KPNA6: variants seen among roughly 807,000 people sequenced by gnomAD.
KPNA6 encodes the protein importin subunit alpha-7.
Under a neutral mutation model 72.0 loss-of-function variants are expected in KPNA6, and 9 were observed. That is an observed-to-expected ratio of 0.13 (90% CI 0.08 to 0.22). The LOEUF is 0.22. Ranked by LOEUF, KPNA6 falls within the 10% of genes least tolerant of loss-of-function variation. KPNA6 has a pLI of 1.00. For missense variants in KPNA6, 374 were observed against 655.7 expected, an observed-to-expected ratio of 0.57 and a Z score of 4.69; for synonymous variants, 219 against 242.1, an observed-to-expected ratio of 0.90 and a Z score of 0.89.
At chr1:32,131,570 T>C (rs1055595026) in intron 1 of KPNA6, among the ~76,000 whole-genome samples, 13 of 151,774 alleles carry the variant, frequency 8.6e-5, no homozygotes, top group African/African-American at 2.9e-4. Flanking sequence ...TACACACATA[T>C]ATGTATGTGT....
rs1443556874 is a variant in KPNA6 at position 32,128,410 on chromosome 1, TATATATATATATATATACAC to T, written c.4+20278_4+20297del. Among the ~76,000 whole-genome samples, 213 of 131,140 alleles carry T rather than the reference TATATATATATATATATACAC, an allele frequency of 1.6e-3. 1 individual carries two copies. Among genetic ancestry groups the T allele is most frequent in the African/African-American group, 5.9e-3 (200 of 33,984 alleles). The allele number at this position is 131,140 out of a possible 152,430, so 86.0% of individuals were successfully genotyped here. Reference sequence around the variant, plus strand: ...ATTTATATATATATATATATATATATATATATATATATATATACACACACACACACATATATATATACACA... The same window carrying T: ...ATTTATATATATATATATATATATATACACACACACATATATATATACACA... On this transcript the variant is annotated intron_variant, in intron 1 of 13. Transcript: ENST00000373625.
At chr1:32,165,880 C>T (rs1175156903) in intron 10 of KPNA6, among the ~76,000 whole-genome samples, 2 of 151,676 alleles carry the variant, frequency 1.3e-5, no homozygotes, top group Non-Finnish European at 2.9e-5. Flanking sequence ...CGTCTGTAAT[C>T]CAAGCGTCTT....
chr1:32,141,426 C>T (rs1258484683), intron 1 of KPNA6, among the ~76,000 whole-genome samples: 1 of 84,588 alleles, frequency 1.2e-5, no homozygotes, highest in African/African-American at 4.5e-5. Flanking sequence ...GAGACGGAGT[C>T]TCACACTGTC....
At chr1:32,167,623 A>G (rs954018795) in intron 12 of KPNA6, among the ~76,000 whole-genome samples, 4 of 152,108 alleles carry the variant, frequency 2.6e-5, no homozygotes, top group Non-Finnish European at 5.9e-5. Context: ...GTAGTTCTCA[A>G]TTCAAATGAA....
chr1:32,150,916 C>G (rs371036331), intron 1 of KPNA6, among the ~76,000 whole-genome samples: 1 of 151,910 alleles, frequency 6.6e-6, no homozygotes. Context: ...TGAGCCACCA[C>G]GCCCCGGCTG....
intron 1 of KPNA6, among the ~76,000 whole-genome samples, chr1:32,125,978 C>CT (rs1641524664): frequency 1.2e-5 from 1 of 84,606 alleles, no homozygotes; most frequent in East Asian, 4.0e-4. Flanking sequence ...ACTATATTTA[C>CT]TAAAAAAAAA....
chr1:32,152,900 C>T (rs1399517814), intron 1 of KPNA6, among the ~76,000 whole-genome samples: 1 of 150,228 alleles, frequency 6.7e-6, no homozygotes, highest in East Asian at 1.9e-4. Context: ...CCTGCAATCC[C>T]AGCTGCTTGG....
intron 2 of KPNA6, among the ~76,000 whole-genome samples, chr1:32,156,242 CT>C (rs1361848505): frequency 1.3e-5 from 2 of 152,050 alleles, no homozygotes; most frequent in African/African-American, 4.8e-5. Flanking sequence ...GTCTCCTCTT[CT>C]CTTTGTGGAA....
At chr1:32,123,879 C>A (rs1237010188) in intron 1 of KPNA6, among the ~76,000 whole-genome samples, 2 of 149,700 alleles carry the variant, frequency 1.3e-5, no homozygotes, top group Admixed American at 1.3e-4. Flanking sequence ...ACTAAAAATA[C>A]AAAAATTAGC....
chr1:32,108,253 A>AG, intron 1 of KPNA6, 119 bp downstream of exon 1: 2 of 1,451,606 alleles, frequency 1.4e-6, no homozygotes, highest in South Asian at 2.3e-5. Context: ...GCTAGGTCTG[A>AG]GGGGAAAAGT....
At chr1:32,122,957 CAA>C (rs912635889) in intron 1 of KPNA6, among the ~76,000 whole-genome samples, 21 of 56,090 alleles carry the variant, frequency 3.7e-4, no homozygotes, top group East Asian at 2.2e-3. Context: ...AACTCCATCT[CAA>C]AAAAAAAAAA....
At chr1:32,125,784 C>T (rs2124530309) in intron 1 of KPNA6, among the ~76,000 whole-genome samples, 1 of 152,020 alleles carries the variant, frequency 6.6e-6, no homozygotes, top group Non-Finnish European at 1.5e-5. Context: ...TTTAGAAAGG[C>T]ATTATGGTGC....
At chr1:32,118,972 A>ATG (rs144915333) in intron 1 of KPNA6, among the ~76,000 whole-genome samples, 3,591 of 120,934 alleles carry the variant, frequency 0.03, 87 homozygotes, top group Middle Eastern at 0.055. Flanking sequence ...AGCCATATAT[A>ATG]TGTGTGTGTG....
intron 1 of KPNA6, among the ~76,000 whole-genome samples, chr1:32,119,028 A>ATTTTT (rs1197600051): frequency 1.4e-4 from 9 of 63,186 alleles, no homozygotes; most frequent in African/African-American, 3.2e-4. Flanking sequence ...ATATATATAT[A>ATTTTT]TATATTTTTT....
At chr1:32,166,450 C>A (rs1472594371) in intron 11 of KPNA6, among the ~76,000 whole-genome samples, 3 of 151,022 alleles carry the variant, frequency 2.0e-5, no homozygotes, top group East Asian at 1.9e-4. Context: ...CATGGTGAAA[C>A]CCCATCTGTA....
chr1:32,163,170 G>A, intron 9 of KPNA6, 65 bp from the exon 10 acceptor site: 3 of 1,018,880 alleles, frequency 2.9e-6, no homozygotes, highest in Non-Finnish European at 4.7e-6. Context: ...TCAGACTAAA[G>A]AGAGAGAATC....
intron 1 of KPNA6, among the ~76,000 whole-genome samples, chr1:32,133,213 A>G (rs1641672180): frequency 6.6e-6 from 1 of 151,932 alleles, no homozygotes; most frequent in Admixed American, 6.6e-5. Flanking sequence ...GTGTGGTGGT[A>G]CACACCTGTA....
intron 1 of KPNA6, among the ~76,000 whole-genome samples, chr1:32,154,046 C>T (rs1217674506): frequency 1.3e-5 from 2 of 151,876 alleles, no homozygotes; most frequent in Admixed American, 1.3e-4. Flanking sequence ...ACTCGGAAGG[C>T]TGAGGCAGGA....
Position 32,159,420 on chromosome 1 carries a change from A to C in KPNA6, c.447A>C (p.Leu149=), listed in dbSNP as rs1230198972. 2 of 1,614,088 alleles carry C rather than the reference A, an allele frequency of 1.2e-6. No homozygotes were observed. Among genetic ancestry groups the C allele is most frequent in the Non-Finnish European group, 1.7e-6 (2 of 1,179,988 alleles). Residue 149 remains leucine, a synonymous_variant, in exon 6 of 14, where the codon CTA becomes CTC. Transcript: ENST00000373625. ...TTCAGTTTGAAGCTGCCTGGGCTCTAACGAATATTGCCTCTGGAACCTCTC... is the reference window on the plus strand; with the variant it reads ...TTCAGTTTGAAGCTGCCTGGGCTCTCACGAATATTGCCTCTGGAACCTCTC... The part of the protein sequence containing the change: ...CTLQFEAAWA[L]TNIASGTSQQ...
Sources: allele counts gnomAD v4.1 joint callset (sites outside exome capture counted in the v4.1 genomes callset), GRCh38; gene constraint gnomAD v4.1.1; transcripts MANE v1.5; gene names NCBI Gene and HGNC (gene_info 2026-07-23, HGNC 2026-07-21).